Variants in DLC1 observed in about 807,000 individuals in gnomAD.
DLC1 encodes the protein DLC1 Rho GTPase activating protein, also known as rho GTPase-activating protein 7.
A neutral mutation model predicts 140.3 loss-of-function variants in DLC1; 54 were observed. That is an observed-to-expected ratio of 0.38 (90% confidence interval 0.31 to 0.48). The LOEUF (loss-of-function observed/expected upper bound fraction) is 0.48, where lower values mean the gene tolerates loss of function less well. DLC1 is among the 20% of genes least tolerant of loss of function. The probability of loss-of-function intolerance (pLI) is 0.96; values close to 1 mark genes in which losing one functional copy is unlikely to be tolerated. For missense variants in DLC1, 2,536 were observed against 1,907.0 expected (o/e 1.33, Z -6.14); for synonymous variants, 986 against 728.1 (o/e 1.35, Z -5.70).
At chr8:13,095,376 T>C in intron 10 of DLC1, 131 bp from the exon 11 acceptor site, 5 of 1,162,744 alleles carry the variant, frequency 4.3e-6, no homozygotes, top group South Asian at 1.5e-5. Context: ...TAAATTTAAA[T>C]TAAACAAAAT....
chr8:13,207,468 C>A (rs1827723217), intron 5 of DLC1, among the ~76,000 whole-genome samples: 1 of 152,008 alleles, frequency 6.6e-6, no homozygotes, highest in African/African-American at 2.4e-5. Context: ...CTTCTTTAGG[C>A]TAAGATTTAA....
intron 5 of DLC1, among the ~76,000 whole-genome samples, chr8:13,138,734 C>T (rs1442988020): frequency 1.3e-5 from 2 of 152,202 alleles, no homozygotes; most frequent in African/African-American, 4.8e-5. Flanking sequence ...TGACCCCAAT[C>T]TGGGTTCTCC....
chr8:13,290,586 G>C (rs1401568179), intron 5 of DLC1, among the ~76,000 whole-genome samples: 2 of 152,038 alleles, frequency 1.3e-5, no homozygotes, highest in African/African-American at 4.8e-5. Context: ...TATAGTAGGG[G>C]AAAAATGTCT....
At chr8:13,281,898 C>G (rs1831377108) in intron 5 of DLC1, among the ~76,000 whole-genome samples, 1 of 152,200 alleles carries the variant, frequency 6.6e-6, no homozygotes, top group Non-Finnish European at 1.5e-5. Context: ...GTCACCTTGC[C>G]TGTGAAAAAG....
chr8:13,415,896 G>T (rs1838033364), intron 2 of DLC1, among the ~76,000 whole-genome samples: 2 of 152,102 alleles, frequency 1.3e-5, no homozygotes, highest in South Asian at 4.1e-4. Context: ...ACCCCAAGAA[G>T]TCCAACTGAT....
At chr8:13,384,516 C>G (rs1446378625) in intron 4 of DLC1, among the ~76,000 whole-genome samples, 1 of 120,114 alleles carries the variant, frequency 8.3e-6, no homozygotes, top group Admixed American at 7.7e-5. Flanking sequence ...TGGGAAATAT[C>G]TTTAAATGGA....
intron 4 of DLC1, among the ~76,000 whole-genome samples, chr8:13,369,393 A>G (rs992939092): frequency 2.0e-5 from 3 of 150,688 alleles, no homozygotes; most frequent in Non-Finnish European, 4.4e-5. Flanking sequence ...TGTTCTCACC[A>G]AAGTCATGAG....
At chr8:13,250,999 G>GT (rs1035195786) in intron 5 of DLC1, among the ~76,000 whole-genome samples, 9 of 152,190 alleles carry the variant, frequency 5.9e-5, no homozygotes, top group South Asian at 2.1e-4. Context: ...AGATTCAGTG[G>GT]TTTTTTCACA....
At chr8:13,148,809 A>G (rs1025099600) in intron 5 of DLC1, among the ~76,000 whole-genome samples, 4 of 151,750 alleles carry the variant, frequency 2.6e-5, no homozygotes, top group Non-Finnish European at 5.9e-5. Flanking sequence ...TTTATTTTTT[A>G]TGAGATGGAG....
At chr8:13,501,423 C>T (rs988623927) in intron 1 of DLC1, among the ~76,000 whole-genome samples, 1 of 152,176 alleles carries the variant, frequency 6.6e-6, no homozygotes, top group South Asian at 2.1e-4. Context: ...AAAGAAAAAT[C>T]CCATTCACAG....
intron 6 of DLC1, 45 bp from the exon 7 acceptor site, chr8:13,110,868 C>G (rs777792625): frequency 6.3e-7 from 1 of 1,581,136 alleles, no homozygotes. Context: ...GCCTAAAACC[C>G]AATTTGCCAA....
chr8:13,187,968 CCTT>C (rs1826483809), intron 5 of DLC1, among the ~76,000 whole-genome samples: 1 of 152,012 alleles, frequency 6.6e-6, no homozygotes, highest in Non-Finnish European at 1.5e-5. Context: ...CTCTTTTCCT[CCTT>C]CTTTTTAATG....
At chr8:13,216,037 T>C (rs1015603932) in intron 5 of DLC1, among the ~76,000 whole-genome samples, 1 of 152,144 alleles carries the variant, frequency 6.6e-6, no homozygotes, top group Non-Finnish European at 1.5e-5. Flanking sequence ...TTCCCATCTT[T>C]CCTACACATT....
intron 4 of DLC1, among the ~76,000 whole-genome samples, chr8:13,373,922 C>T (rs911417873): frequency 1.3e-5 from 2 of 151,946 alleles, no homozygotes; most frequent in Non-Finnish European, 2.9e-5. Flanking sequence ...TGTTAAAATC[C>T]GGTATTATTT....
At chr8:13,103,058 C>G (rs1305058856) in intron 7 of DLC1, among the ~76,000 whole-genome samples, 2 of 152,192 alleles carry the variant, frequency 1.3e-5, no homozygotes, top group East Asian at 3.9e-4. Context: ...CGCCTGTAAT[C>G]CCAGCACTTT....
chr8:13,289,612 T>C (rs1469340894), intron 5 of DLC1, among the ~76,000 whole-genome samples: 3 of 152,202 alleles, frequency 2.0e-5, no homozygotes, highest in Non-Finnish European at 4.4e-5. Flanking sequence ...ATTACAGGCA[T>C]AAGCCACTGT....
intron 5 of DLC1, among the ~76,000 whole-genome samples, chr8:13,131,124 G>A (rs959975837): frequency 1.3e-5 from 2 of 151,992 alleles, no homozygotes; most frequent in African/African-American, 4.8e-5. Context: ...TGCCTTACAG[G>A]GCACCCCTCT....
intron 2 of DLC1, among the ~76,000 whole-genome samples, chr8:13,423,093 C>A (rs1356746210): frequency 2.0e-5 from 3 of 152,150 alleles, no homozygotes. Context: ...GTGAAAGGCA[C>A]AACTAAACAC....
rs1245086554 is a variant in DLC1, at chr8:13,085,057, T to C, written c.*754A>G. 6.6e-6 allele frequency: 1 copy of C among 152,238 alleles called. No individual in the cohort carries two copies. Among genetic ancestry groups the C allele is most frequent in the Non-Finnish European group, 1.5e-5 (1 of 68,048 alleles). 9.4% of individuals were successfully genotyped at this position (152,238 alleles called of 1,614,324 possible). On this transcript the variant is annotated 3_prime_UTR_variant, in exon 18 of 18. Coordinates refer to ENST00000276297, the MANE Select transcript of DLC1 (RefSeq NM_182643.3). The stretch of plus-strand genomic sequence containing the variant: ...TACTGGTTAAAACTACATCACTATT[T>C]GCAATCGGGTCTAAAAATAAACTGC...
Sources: allele counts gnomAD v4.1 joint callset (sites outside exome capture counted in the v4.1 genomes callset), GRCh38; gene constraint gnomAD v4.1.1; transcripts MANE v1.5; gene names NCBI Gene and HGNC (gene_info 2026-07-23, HGNC 2026-07-21).